AIF1L: variants seen among roughly 807,000 people sequenced by gnomAD.
AIF1L encodes allograft inflammatory factor 1 like, also known as allograft inflammatory factor 1-like.
AIF1L carries 12 observed loss-of-function variants against 20.7 expected under a neutral mutation model. The observed-to-expected ratio is 0.58, with a 90% CI of 0.37 to 0.94. The LOEUF (loss-of-function observed/expected upper bound fraction) is 0.94. Among genes scored for constraint, AIF1L ranks in the 40% least tolerant of loss-of-function variants. The pLI is 0.01. For missense variants in AIF1L, 173 were observed against 185.3 expected, an observed-to-expected ratio of 0.93 and a Z score of 0.39; for synonymous variants, 76 against 65.1, an observed-to-expected ratio of 1.17 and a Z score of -0.81.
intron 2 of AIF1L, among the ~76,000 whole-genome samples, chr9:131,110,805 A>G (rs1164621959): frequency 6.6e-6 from 1 of 151,860 alleles, no homozygotes; most frequent in East Asian, 1.9e-4. Context: ...ACCTGGCCTC[A>G]CTGGATTTCT....
intron 2 of AIF1L, chr9:131,106,155 C>G (rs899763349): frequency 6.7e-5 from 103 of 1,526,974 alleles, no homozygotes; most frequent in Non-Finnish European, 8.7e-5. Flanking sequence ...CTGCCTCCTC[C>G]GAGCTGCCTC....
At chr9:131,111,722 C>A in intron 3 of AIF1L, 59 bp downstream of exon 3, 1 of 1,523,874 alleles carries the variant, frequency 6.6e-7, no homozygotes. Context: ...GGCCCCTCAT[C>A]CTTGCACACA....
chr9:131,103,372 TG>T (rs1232837638), intron 2 of AIF1L, among the ~76,000 whole-genome samples: 1 of 152,134 alleles, frequency 6.6e-6, no homozygotes, highest in East Asian at 1.9e-4. Flanking sequence ...GCATGGTCGG[TG>T]GGTGATGTTC....
At chr9:131,098,658 T>A (rs1357193097) in intron 2 of AIF1L, among the ~76,000 whole-genome samples, 2 of 152,040 alleles carry the variant, frequency 1.3e-5, no homozygotes, top group African/African-American at 4.8e-5. Flanking sequence ...CAGGGTTGTT[T>A]TGGGAAACCG....
chr9:131,097,739 T>C (rs1830558115), intron 2 of AIF1L, among the ~76,000 whole-genome samples: 1 of 152,226 alleles, frequency 6.6e-6, no homozygotes, highest in Non-Finnish European at 1.5e-5. Context: ...GGCTCAGATC[T>C]GGCCTCCACT....
At chr9:131,105,834 CTTTT>C (rs11316586) in intron 2 of AIF1L, among the ~76,000 whole-genome samples, 7 of 139,136 alleles carry the variant, frequency 5.0e-5, no homozygotes, top group Admixed American at 7.1e-5. Context: ...GTTGTTGTTG[CTTTT>C]TTTTTTTTTT....
At position 131,121,198 on chromosome 9, in the gene AIF1L, A is replaced by G; in HGVS notation, c.*876A>G. On this transcript the variant is annotated 3_prime_UTR_variant, in exon 6 of 6. Coordinates refer to ENST00000247291, the MANE Select transcript of AIF1L (RefSeq NM_031426.4). ...AGCACTGGTAAGCCAAGACTGAGAA[A>G]TACAAGGTTGCTTGTCTGACCCCAA... 1 of 692,124 alleles carries G rather than the reference A, an allele frequency of 1.4e-6. No individual in the cohort carries two copies. Among genetic ancestry groups the G allele is most frequent in the Non-Finnish European group, 2.7e-6 (1 of 372,116 alleles). The allele number at this position is 692,124 out of a possible 1,614,324, so 42.9% of individuals were successfully genotyped here. A position where few individuals can be genotyped will look rare whatever the true frequency, so the allele number is the denominator to read the frequency against.
rs557421810 is a variant in AIF1L at position 131,097,808 on chromosome 9, C to T, written c.93+945C>T. ...TCTCATCTCCAAGCAGGGCATTGTG[C>T]AGGCTCAGAGAGGGAAGGCCCGTGG... On this transcript the variant is annotated intron_variant, in intron 2 of 5. Transcript: ENST00000247291. Among the ~76,000 whole-genome samples, 13 of 152,368 alleles carry T rather than the reference C, an allele frequency of 8.5e-5. No homozygotes were observed. The East Asian group carries it at 2.5e-3, about 29-fold the overall frequency.
At chr9:131,114,053 G>A (rs989145187) in intron 3 of AIF1L, 5 of 174,268 alleles carry the variant, frequency 2.9e-5, no homozygotes, top group African/African-American at 1.2e-4. Flanking sequence ...TGTGTACCCC[G>A]GGAAACTGTA....
Position 131,106,973 on chromosome 9 carries a change from G to A in AIF1L, c.94-4624G>A, listed in dbSNP as rs1296085459. Among the ~76,000 whole-genome samples, 6 of 152,124 alleles carry A rather than the reference G, an allele frequency of 3.9e-5. No individual in the cohort carries two copies. In the East Asian group the frequency reaches 1.2e-3, roughly 29 times the overall value. On this transcript the variant is annotated intron_variant, in intron 2 of 5. Transcript: ENST00000247291. ...CTGGACGTGTTGGTGCGCACCTGTAGTCCCAGCTACTGGGGAGGCTGAGGC... is the reference window on the plus strand; with the variant it reads ...CTGGACGTGTTGGTGCGCACCTGTAATCCCAGCTACTGGGGAGGCTGAGGC...
At chr9:131,105,446 C>T (rs1830725276) in intron 2 of AIF1L, among the ~76,000 whole-genome samples, 1 of 152,158 alleles carries the variant, frequency 6.6e-6, no homozygotes, top group South Asian at 2.1e-4. Flanking sequence ...CTCACTGCAA[C>T]CTGCACATTC....
rs1181600219 is a variant in AIF1L, at chr9:131,117,864, C to A, written c.311C>A (p.Ser104Tyr). 1 of 1,613,774 alleles carries A rather than the reference C, an allele frequency of 6.2e-7. No individual in the cohort carries two copies. The highest frequency in any genetic ancestry group is 1.7e-5 in the Admixed American group (1 of 59,880). ...EVTGGVSDTI[S>Y]YRDFVNMMLG... Reference sequence around the variant, plus strand: ...ACAGGAGGGGTCAGTGACACTATATCCTACCGAGACTTTGTGAACATGATG... The same window carrying A: ...ACAGGAGGGGTCAGTGACACTATATACTACCGAGACTTTGTGAACATGATG... Residue 104 changes from serine (S) to tyrosine (Y), a missense_variant, in exon 5 of 6, where the codon TCC (serine) becomes TAC (tyrosine). By Grantham distance (144) the Ser-to-Tyr change is moderately radical. Coordinates refer to ENST00000247291, the MANE Select transcript of AIF1L (RefSeq NM_031426.4).
In AIF1L at chr9:131,121,640, C is replaced by G. The variant is rs1831140782; in HGVS notation, c.*1318C>G. The G allele has an allele frequency of 6.5e-6, 1 of 152,918 alleles. No homozygotes were observed. The highest frequency in any genetic ancestry group is 2.4e-5 in the African/African-American group (1 of 41,470). The allele number at this position is 152,918 out of a possible 1,614,324, so 9.5% of individuals were successfully genotyped here. On this transcript the variant is annotated 3_prime_UTR_variant, in exon 6 of 6. Transcript: ENST00000247291. Reference sequence around the variant, plus strand: ...CAGGGACCCTGCCTACACCTCATTTCCAGTGTGGGCTGCCTTAGTTAGTTA... The same window carrying G: ...CAGGGACCCTGCCTACACCTCATTTGCAGTGTGGGCTGCCTTAGTTAGTTA...
In AIF1L at chr9:131,111,604, T is replaced by A. The variant is rs148740625; in HGVS notation, c.101T>A (p.Leu34Gln). The change falls in exon 3 of 6, where the codon CTG becomes CAG. Residue 34 changes from leucine (L) to glutamine (Q), a missense_variant. By Grantham distance (113) the Leu-to-Gln change is moderately radical. Transcript: ENST00000247291. ...GTCCTCTCACCTCTGTAGGAGTTTC[T>A]GTGTGACCAGAAGTACAGTGATGAA... ...RRLAEINREF[L>Q]CDQKYSDEEN... is the part of the protein sequence containing the mutation. The A allele has an allele frequency of 2.6e-5, 42 of 1,613,986 alleles. No homozygotes were observed. The highest frequency in any genetic ancestry group is 3.5e-5 in the Non-Finnish European group (41 of 1,179,908).
At chr9:131,111,933 G>A (rs1000017386) in intron 3 of AIF1L, 44 of 498,202 alleles carry the variant, frequency 8.8e-5, no homozygotes, top group Non-Finnish European at 1.3e-4. Flanking sequence ...CACTGCCCAC[G>A]GGGCTCAGGC....
chr9:131,114,398 C>T (rs950000546), intron 3 of AIF1L, 179 bp from the exon 4 acceptor site: 7 of 651,022 alleles, frequency 1.1e-5, no homozygotes, highest in Non-Finnish European at 1.7e-5. Context: ...GCAGGATGAG[C>T]TCTTTCCCCA....
intron 2 of AIF1L, among the ~76,000 whole-genome samples, chr9:131,103,201 C>T (rs1830676446): frequency 6.6e-6 from 1 of 152,204 alleles, no homozygotes; most frequent in African/African-American, 2.4e-5. Flanking sequence ...CGGCAGTGAA[C>T]AGATGCTATT....
At position 131,121,227 on chromosome 9, in the gene AIF1L, G is replaced by A. The variant is rs1831131724; in HGVS notation, c.*905G>A. On this transcript the variant is annotated 3_prime_UTR_variant, in exon 6 of 6. Transcript: ENST00000247291. ...AAGGTTGCTTGTCTGACCCCAATCT[G>A]CTTGAAACCTGACTCTGCTTCTCTC... is the stretch of plus-strand genomic sequence containing the variant. 1 of 652,008 alleles carries A rather than the reference G, an allele frequency of 1.5e-6. No homozygotes were observed. Among genetic ancestry groups the A allele is most frequent in the Non-Finnish European group, 2.9e-6 (1 of 350,508 alleles). The allele number at this position is 652,008 out of a possible 1,614,324, so 40.4% of individuals were successfully genotyped here.
rs1831150354 is a variant in AIF1L at position 131,122,071 on chromosome 9, GT to G, written c.*1751del. On this transcript the variant is annotated 3_prime_UTR_variant, in exon 6 of 6. Transcript: ENST00000247291. The stretch of plus-strand genomic sequence containing the variant: ...CCCAGACAATGACAATGAGATAAAT[GT>G]TAGGAAGGGGGAGGTATGGGGTGAC... The G allele has an allele frequency of 6.6e-6, 1 of 152,276 alleles. No homozygotes were observed. Among genetic ancestry groups the G allele is most frequent in the African/African-American group, 2.4e-5 (1 of 41,454 alleles). The allele number at this position is 152,276 out of a possible 1,614,324, so 9.4% of individuals were successfully genotyped here. A position where few individuals can be genotyped will look rare whatever the true frequency, so the allele number is the denominator to read the frequency against.
Sources: allele counts gnomAD v4.1 joint callset (sites outside exome capture counted in the v4.1 genomes callset), GRCh38; gene constraint gnomAD v4.1.1; transcripts MANE v1.5; gene names NCBI Gene and HGNC (gene_info 2026-07-23, HGNC 2026-07-21).